MAST2: variants seen among roughly 807,000 people sequenced by gnomAD.
MAST2 encodes microtubule associated serine/threonine kinase 2.
Under a neutral mutation model 147.4 loss-of-function variants are expected in MAST2, and 70 were observed. That is an observed-to-expected ratio of 0.47 (90% CI 0.39 to 0.58). The LOEUF (loss-of-function observed/expected upper bound fraction) is 0.58. Ranked by LOEUF, MAST2 falls within the 20% of genes least tolerant of loss-of-function variation. MAST2 has a pLI of 0.00. For synonymous variants in MAST2, 869 were observed against 896.8 expected (o/e 0.97, Z 0.55); for missense variants, 2,080 against 2,302.3 (o/e 0.90, Z 1.98).
rs1646873083 is a variant in MAST2, at chr1:46,035,616, C to G, written c.4947C>G (p.Thr1649=). Residue 1649 remains threonine (T), a synonymous_variant, in exon 29 of 29, where the codon ACC becomes ACG. Coordinates refer to ENST00000361297, the MANE Select transcript of MAST2 (RefSeq NM_015112.3). The surrounding 1 kb of genome is among the most constrained non-coding windows in gnomAD (Gnocchi z 5.5). ...GCAGTTGCTCTCCTCCCAGCTCCAC[C>G]TCTGGGAAGCTGAGCATGTGGTCCT... ...PTSSCSPPSS[T]SGKLSMWSWK... 1 of 1,613,824 alleles carries G rather than the reference C, an allele frequency of 6.2e-7. No individual in the cohort carries two copies. The highest frequency in any genetic ancestry group is 1.1e-5 in the South Asian group (1 of 91,088).
chr1:45,932,762 A>G (rs1570784366), intron 4 of MAST2, among the ~76,000 whole-genome samples: 2 of 152,098 alleles, frequency 1.3e-5, no homozygotes, highest in African/African-American at 4.8e-5. Context: ...TTTAGTTTTG[A>G]TGCTCAAAAT....
At chr1:45,960,520 AAAG>A (rs1297027841) in intron 5 of MAST2, among the ~76,000 whole-genome samples, 1 of 152,182 alleles carries the variant, frequency 6.6e-6, no homozygotes, top group Non-Finnish European at 1.5e-5. Context: ...GAAAAAAAGA[AAAG>A]AAAAGAAATA....
chr1:45,933,235 AAGCG>A (rs1557927685), intron 4 of MAST2, among the ~76,000 whole-genome samples: 17 of 59,074 alleles, frequency 2.9e-4, no homozygotes, highest in Non-Finnish European at 4.6e-4. Flanking sequence ...TAAAAAAAAA[AAGCG>A]GGGGGGTTGG....
chr1:45,962,311 G>A (rs1341569444), intron 5 of MAST2, among the ~76,000 whole-genome samples: 1 of 151,960 alleles, frequency 6.6e-6, no homozygotes, highest in Non-Finnish European at 1.5e-5. Flanking sequence ...GGGTCAAATG[G>A]TATTTCTAGT....
chr1:45,826,386 T>C (rs1244134291), intron 2 of MAST2, among the ~76,000 whole-genome samples: 1 of 152,132 alleles, frequency 6.6e-6, no homozygotes, highest in African/African-American at 2.4e-5. Flanking sequence ...CAGGGTCTCC[T>C]CTGTCGCCCA....
chr1:45,879,665 G>A (rs553184600), intron 3 of MAST2, among the ~76,000 whole-genome samples: 78 of 151,468 alleles, frequency 5.1e-4, no homozygotes, highest in African/African-American at 1.7e-3. Context: ...CAAAGGACTT[G>A]TATTTAGAAG....
intron 1 of MAST2, among the ~76,000 whole-genome samples, chr1:45,804,940 C>G (rs1308468442): frequency 3.9e-5 from 6 of 152,118 alleles, no homozygotes; most frequent in African/African-American, 1.4e-4. Context: ...TGACAGCTTT[C>G]CTTTTGTTCA....
At chr1:45,933,827 CTAAT>C (rs1006098026) in intron 4 of MAST2, among the ~76,000 whole-genome samples, 2 of 151,662 alleles carry the variant, frequency 1.3e-5, no homozygotes, top group Non-Finnish European at 2.9e-5. Context: ...TTTCTAGTCT[CTAAT>C]TACTAGTTTA....
chr1:45,803,655 G>T lies in MAST2; in HGVS notation c.-241G>T. On this transcript the variant is annotated 5_prime_UTR_variant, in exon 1 of 29. Transcript: ENST00000361297. Reference sequence around the variant, plus strand: ...CGGCGGCGGGTGGCCTGCCCAACGTGTGCTGGGTGGGAGAAGGCGAGGCGT... The same window carrying T: ...CGGCGGCGGGTGGCCTGCCCAACGTTTGCTGGGTGGGAGAAGGCGAGGCGT... 1 of 292,236 alleles carries T rather than the reference G, an allele frequency of 3.4e-6. No homozygotes were observed. The highest frequency in any genetic ancestry group is 9.5e-4 in the Middle Eastern group (1 of 1,048). 18.1% of individuals were successfully genotyped at this position (292,236 alleles called of 1,614,324 possible).
intron 5 of MAST2, among the ~76,000 whole-genome samples, chr1:45,977,940 C>T (rs1260178528): frequency 6.6e-6 from 1 of 151,954 alleles, no homozygotes; most frequent in Non-Finnish European, 1.5e-5. Flanking sequence ...ACTCCTGGGG[C>T]CAGCACAGGT....
In MAST2 at chr1:45,803,933, C is replaced by A. The variant is rs1051120550; in HGVS notation, c.38C>A (p.Pro13Gln). 46 of 846,872 alleles carry A rather than the reference C, an allele frequency of 5.4e-5. No individual in the cohort carries two copies. The highest frequency in any genetic ancestry group is 8.6e-5 in the Admixed American group (2 of 23,140). 52.5% of individuals were successfully genotyped at this position (846,872 alleles called of 1,614,324 possible). A position where few individuals can be genotyped will look rare whatever the true frequency, so the allele number is the denominator to read the frequency against. The change falls in exon 1 of 29, where the codon CCG (proline) becomes CAG (glutamine). Residue 13 changes from proline (P) to glutamine (Q), a missense_variant. By Grantham distance (76) the Pro-to-Gln change is moderately conservative (BLOSUM62 -1). This residue lies in a region of MAST2 where 24 missense variants were observed against 46.1 expected (regional missense o/e 0.52). Coordinates refer to ENST00000361297, the MANE Select transcript of MAST2 (RefSeq NM_015112.3). ...RSRCRDRPQP[P>Q]PPDRREDGVQ... ...CGCTGCCGCGACCGACCGCAGCCGC[C>A]GCCGCCCGACCGCCGGGAGGATGGA... is the stretch of plus-strand genomic sequence containing the variant.
At chr1:45,919,663 G>A (rs1653131617) in intron 4 of MAST2, among the ~76,000 whole-genome samples, 1 of 152,180 alleles carries the variant, frequency 6.6e-6, no homozygotes, top group South Asian at 2.1e-4. Context: ...GAGAAAGATT[G>A]TAAGTTGGGT....
intron 1 of MAST2, among the ~76,000 whole-genome samples, chr1:45,805,174 G>A (rs747537890): frequency 2.0e-5 from 3 of 151,358 alleles, no homozygotes; most frequent in African/African-American, 7.3e-5. Context: ...TCAGCCTCCC[G>A]GCTAGCTGGG....
intron 1 of MAST2, among the ~76,000 whole-genome samples, chr1:45,814,453 CAG>C (rs1644393571): frequency 2.6e-5 from 4 of 151,998 alleles, no homozygotes; most frequent in Non-Finnish European, 5.9e-5. Context: ...TCTAACAAAA[CAG>C]TTTAAAAAGT....
At chr1:46,021,181 A>C (rs1253241741) in intron 11 of MAST2, among the ~76,000 whole-genome samples, 1 of 152,220 alleles carries the variant, frequency 6.6e-6, no homozygotes, top group African/African-American at 2.4e-5. Flanking sequence ...CCAGATAGGT[A>C]CAGTTCTCCA....
At chr1:45,909,559 C>T (rs1333409656) in intron 4 of MAST2, among the ~76,000 whole-genome samples, 5 of 150,754 alleles carry the variant, frequency 3.3e-5, no homozygotes, top group Admixed American at 6.6e-5. Context: ...CTGGCTCTGT[C>T]GCCAGGCTGG....
intron 4 of MAST2, among the ~76,000 whole-genome samples, chr1:45,899,145 G>A (rs1649287623): frequency 6.6e-6 from 1 of 152,092 alleles, no homozygotes. Flanking sequence ...CAGAGGAGTA[G>A]TCTTCCAAAG....
chr1:45,846,773 C>T (rs12753948), intron 3 of MAST2, among the ~76,000 whole-genome samples: 122 of 151,496 alleles, frequency 8.1e-4, no homozygotes, highest in African/African-American at 2.4e-3. Flanking sequence ...TGCAGTGAGC[C>T]GAGATGATGC....
At chr1:45,927,552 G>A (rs780815051) in intron 4 of MAST2, among the ~76,000 whole-genome samples, 2 of 152,138 alleles carry the variant, frequency 1.3e-5, no homozygotes, top group African/African-American at 2.4e-5. Flanking sequence ...AGAGAAATAC[G>A]GCTCTGTTCT....
Sources: allele counts gnomAD v4.1 joint callset (sites outside exome capture counted in the v4.1 genomes callset), GRCh38; gene constraint gnomAD v4.1.1; regional missense constraint gnomAD v4.1.1; non-coding constraint Gnocchi (gnomAD v3.1); transcripts MANE v1.5; gene names NCBI Gene and HGNC (gene_info 2026-07-23, HGNC 2026-07-21).